Variants in PTCHD4 observed in about 807,000 individuals in gnomAD.
The protein encoded by PTCHD4 is patched domain-containing protein 4.
In PTCHD4, 33 loss-of-function variants were observed where a neutral mutation model predicts 58.1. The ratio of observed to expected loss-of-function variants is 0.57; its 90% CI spans 0.43 to 0.76. PTCHD4 has a LOEUF of 0.76. Ranked by LOEUF, PTCHD4 falls within the 30% of genes least tolerant of loss-of-function variation. PTCHD4 has a pLI of 0.00. For synonymous variants in PTCHD4, 478 were observed against 409.6 expected, an observed-to-expected ratio of 1.17 and a Z score of -2.02; for missense variants, 1,058 against 1,027.1, an observed-to-expected ratio of 1.03 and a Z score of -0.41.
chr6:47,945,826 A>T (rs138882641), intron 4 of PTCHD4, among the ~76,000 whole-genome samples: 1,794 of 151,858 alleles, frequency 0.012, 24 homozygotes, highest in South Asian at 0.028. Flanking sequence ...TTCTTCATAA[A>T]GCTCTTGTAA....
At chr6:48,104,473 A>G (rs1057373550) in intron 1 of PTCHD4, among the ~76,000 whole-genome samples, 8 of 152,224 alleles carry the variant, frequency 5.3e-5, no homozygotes, top group Non-Finnish European at 1.0e-4. Flanking sequence ...GAAAGGAACA[A>G]CCGGTACCAG....
chr6:48,108,006 CT>C (rs1341578562), intron 1 of PTCHD4, among the ~76,000 whole-genome samples: 2 of 152,234 alleles, frequency 1.3e-5, no homozygotes, highest in Non-Finnish European at 2.9e-5. Flanking sequence ...GTTGGTGGGA[CT>C]GTAAACTAGT....
intron 4 of PTCHD4, among the ~76,000 whole-genome samples, chr6:47,910,385 G>A (rs752940867): frequency 6.6e-6 from 1 of 152,060 alleles, no homozygotes; most frequent in Non-Finnish European, 1.5e-5. Context: ...AGCACAGAGG[G>A]AGGGCATATT....
intron 4 of PTCHD4, among the ~76,000 whole-genome samples, chr6:47,996,084 T>C (rs979017351): frequency 2.0e-5 from 3 of 152,324 alleles, no homozygotes; most frequent in Non-Finnish European, 4.4e-5. Context: ...CTTTTATATA[T>C]TTTTTTCGTT....
chr6:47,920,964 C>T (rs9381631), intron 4 of PTCHD4, among the ~76,000 whole-genome samples: 36,633 of 151,978 alleles, frequency 0.24, 4,573 homozygotes, highest in African/African-American at 0.31. Flanking sequence ...TCATTCCATT[C>T]ACCACACTGT....
At chr6:47,995,595 A>G (rs1266050864) in intron 4 of PTCHD4, among the ~76,000 whole-genome samples, 1 of 152,222 alleles carries the variant, frequency 6.6e-6, no homozygotes, top group African/African-American at 2.4e-5. Flanking sequence ...CCTTTATAAA[A>G]CAATTTCTTG....
chr6:47,960,834 C>T (rs1581937286), intron 4 of PTCHD4, among the ~76,000 whole-genome samples: 1 of 151,500 alleles, frequency 6.6e-6, no homozygotes, highest in Admixed American at 6.6e-5. Context: ...TACAAATTCA[C>T]AAGTATAGTC....
At chr6:47,960,558 T>C (rs561413511) in intron 4 of PTCHD4, among the ~76,000 whole-genome samples, 4 of 152,166 alleles carry the variant, frequency 2.6e-5, no homozygotes, top group African/African-American at 9.6e-5. Flanking sequence ...GGAATGACCA[T>C]ATTAATACTG....
At chr6:48,103,203 C>G (rs9473243) in intron 1 of PTCHD4, among the ~76,000 whole-genome samples, 3 of 152,198 alleles carry the variant, frequency 2.0e-5, no homozygotes, top group African/African-American at 7.2e-5. Flanking sequence ...AGACACCCCC[C>G]AGTAGGGGCA....
At chr6:47,972,171 G>A (rs778308703) in intron 4 of PTCHD4, among the ~76,000 whole-genome samples, 9 of 152,100 alleles carry the variant, frequency 5.9e-5, no homozygotes, top group East Asian at 1.9e-4. Context: ...CTAAATCTTC[G>A]CAGTTCATTA....
At chr6:48,033,744 G>T (rs1243192343) in intron 3 of PTCHD4, among the ~76,000 whole-genome samples, 1 of 151,908 alleles carries the variant, frequency 6.6e-6, no homozygotes, top group East Asian at 1.9e-4. Flanking sequence ...ATGTCAAAAG[G>T]GTAGTTGGAC....
At chr6:48,048,965 TGA>T in intron 3 of PTCHD4, among the ~76,000 whole-genome samples, 1 of 152,092 alleles carries the variant, frequency 6.6e-6, no homozygotes, top group Non-Finnish European at 1.5e-5. Context: ...GCACACATTC[TGA>T]GACCACTGAA....
At chr6:48,110,254 T>TAC (rs1765838010) in intron 1 of PTCHD4, among the ~76,000 whole-genome samples, 1 of 152,250 alleles carries the variant, frequency 6.6e-6, no homozygotes, top group South Asian at 2.1e-4. Context: ...GGTATGTGTA[T>TAC]ACACACACAC....
Position 47,864,116 on chromosome 6 carries a change from C to G in PTCHD4, c.*14187G>C, listed in dbSNP as rs1445021327. The stretch of plus-strand genomic sequence containing the variant: ...CAAAGTCCAAGTGTGGTTCCTCAGA[C>G]TAGTAGCATTAGCATCACCTGAAAA... On this transcript the variant is annotated 3_prime_UTR_variant, in exon 5 of 5. Coordinates refer to ENST00000339488, the MANE Select transcript of PTCHD4 (RefSeq NM_001384253.1). Among the ~76,000 whole-genome samples, 2 of 151,858 alleles carry G rather than the reference C, an allele frequency of 1.3e-5. No individual in the cohort carries two copies. Among genetic ancestry groups the G allele is most frequent in the Non-Finnish European group, 2.9e-5 (2 of 67,896 alleles).
intron 1 of PTCHD4, among the ~76,000 whole-genome samples, chr6:48,107,494 AC>A (rs1765757365): frequency 6.6e-6 from 1 of 152,106 alleles, no homozygotes. Context: ...AACCATAAAA[AC>A]CCTAGAAGAA....
At chr6:47,949,898 A>G (rs938582403) in intron 4 of PTCHD4, among the ~76,000 whole-genome samples, 32 of 151,250 alleles carry the variant, frequency 2.1e-4, no homozygotes, top group African/African-American at 7.1e-4. Flanking sequence ...TTATTATTAT[A>G]CTTTAAGTTT....
intron 4 of PTCHD4, among the ~76,000 whole-genome samples, chr6:47,962,073 G>C (rs1354279625): frequency 6.6e-6 from 1 of 151,926 alleles, no homozygotes; most frequent in Non-Finnish European, 1.5e-5. Flanking sequence ...GAATGAAAGA[G>C]GTGACATCAT....
At position 47,911,672 on chromosome 6, in the gene PTCHD4, A is replaced by T. The variant is rs547600069; in HGVS notation, c.899-31736T>A. Among the ~76,000 whole-genome samples the T allele has an allele frequency of 2.6e-5, 4 of 152,248 alleles. No homozygotes were observed. The East Asian group carries it at 7.7e-4, about 29-fold the overall frequency. On this transcript the variant is annotated intron_variant, in intron 4 of 4. Transcript: ENST00000339488. ...TGGAAAGGGCTCTGAGGATGGCAGG[A>T]ACCAATAATTTTATTTTGCACATGT...
chr6:47,965,305 G>A (rs1036313417), intron 4 of PTCHD4, among the ~76,000 whole-genome samples: 7 of 152,136 alleles, frequency 4.6e-5, no homozygotes, highest in Admixed American at 1.3e-4. Context: ...ACAAAGTTGC[G>A]AAAATATCAC....
Sources: gnomAD v4.1 joint callset for allele counts (sites outside exome capture counted in the v4.1 genomes callset) on GRCh38, gnomAD v4.1.1 for gene constraint, MANE v1.5 for transcripts, NCBI Gene and HGNC (gene_info 2026-07-23, HGNC 2026-07-21) for gene names.